NPIPB8: variants seen among roughly 807,000 people sequenced by gnomAD.
NPIPB8 encodes nuclear pore complex interacting protein family member B8.
A neutral mutation model predicts 5.3 loss-of-function variants in NPIPB8; 3 were observed. The ratio of observed to expected loss-of-function variants is 0.57; its 90% confidence interval spans 0.26 to 1.47. The LOEUF is 1.47. Ranked by LOEUF, NPIPB8 falls within the 40% of genes most tolerant of loss-of-function variation. The pLI is 0.13. For missense variants in NPIPB8, 50 were observed against 50.2 expected (o/e 1.00, Z 0.01); for synonymous variants, 18 against 23.0 (o/e 0.78, Z 0.62).
chr16:28,638,295 CA>C (rs1286437934), intron 1 of NPIPB8, 27 bp from the exon 2 acceptor site: 1 of 1,544,048 alleles, frequency 6.5e-7, no homozygotes, highest in African/African-American at 1.4e-5. Context: ...ACTCATTCAA[CA>C]AACTTTTTTT....
chr16:28,638,274 C>A, intron 1 of NPIPB8, 49 bp from the exon 2 acceptor site: 1 of 1,535,140 alleles, frequency 6.5e-7, no homozygotes, highest in Non-Finnish European at 8.7e-7. Context: ...CAAACATCAC[C>A]TTGTTTTTCC....
chr16:28,642,625 C>G (rs1279338654), intron 2 of NPIPB8, among the ~76,000 whole-genome samples: 2 of 150,576 alleles, frequency 1.3e-5, no homozygotes, highest in African/African-American at 4.9e-5. Context: ...GGTGGGACTA[C>G]AGGTGCCCAC....
chr16:28,638,243 T>G, intron 1 of NPIPB8, 80 bp from the exon 2 acceptor site: 5 of 1,503,080 alleles, frequency 3.3e-6, no homozygotes, highest in Non-Finnish European at 4.4e-6. Context: ...GAAGCCCCTA[T>G]GCTCTTGACC....
At chr16:28,649,248 ATT>A (rs2048016945) in intron 3 of NPIPB8, among the ~76,000 whole-genome samples, 1 of 21,736 alleles carries the variant, frequency 4.6e-5, no homozygotes, top group African/African-American at 3.8e-4. Context: ...TTGTCTTGCC[ATT>A]CATGACAGTA....
intron 2 of NPIPB8, chr16:28,644,470 C>A (rs2047961401): frequency 1.0e-4 from 3 of 29,054 alleles, no homozygotes; most frequent in East Asian, 2.6e-3. Flanking sequence ...TCCCCCTCCC[C>A]CTCCCCTCCC....
At chr16:28,640,093 G>A (rs1428718260) in intron 2 of NPIPB8, among the ~76,000 whole-genome samples, 1 of 151,716 alleles carries the variant, frequency 6.6e-6, no homozygotes, top group Non-Finnish European at 1.5e-5. Context: ...TGAAAGTTAA[G>A]CCTGAGGTTA....
At chr16:28,642,035 C>T (rs1064929) in intron 2 of NPIPB8, among the ~76,000 whole-genome samples, 2 of 151,466 alleles carry the variant, frequency 1.3e-5, no homozygotes, top group African/African-American at 4.9e-5. Flanking sequence ...TTCACTTTTG[C>T]TCTAATCTGA....
intron 3 of NPIPB8, among the ~76,000 whole-genome samples, chr16:28,651,383 C>T (rs1331194800): frequency 1.9e-4 from 5 of 26,016 alleles, no homozygotes; most frequent in South Asian, 1.4e-3. Context: ...CAACCTTTTC[C>T]TGCTGGGTTC....
At chr16:28,638,206 A>G in intron 1 of NPIPB8, 56 bp downstream of exon 1, 1 of 1,308,980 alleles carries the variant, frequency 7.6e-7, no homozygotes, top group Non-Finnish European at 1.0e-6. Context: ...AAAGTACAGG[A>G]ATTTGAACTT....
At chr16:28,642,111 T>TC (rs1441055886) in intron 2 of NPIPB8, among the ~76,000 whole-genome samples, 1 of 151,464 alleles carries the variant, frequency 6.6e-6, no homozygotes, top group Non-Finnish European at 1.5e-5. Flanking sequence ...GGGCTTCTTT[T>TC]TTTTTTTGAG....
In NPIPB8 at chr16:28,638,381, C is replaced by T; in HGVS notation, c.21C>T (p.Val7=). The T allele has an allele frequency of 7.0e-6, 11 of 1,568,028 alleles. No individual in the cohort carries two copies. The highest frequency in any genetic ancestry group is 1.8e-5 in the Admixed American group (1 of 54,874). MVKLSI[V]LTPQFLSHDQ... Reference sequence around the variant, plus strand: ...TGCAAATGGTGAAGCTCTCTATTGTCCTGACCCCACAGTTCCTGTCCCATG... The same window carrying T: ...TGCAAATGGTGAAGCTCTCTATTGTTCTGACCCCACAGTTCCTGTCCCATG... Residue 7 remains valine, a synonymous_variant, in exon 2 of 8, where the codon GTC becomes GTT. Coordinates refer to ENST00000683297, the MANE Select transcript of NPIPB8 (RefSeq NM_001310136.2).
At chr16:28,641,358 C>A (rs540124546) in intron 2 of NPIPB8, among the ~76,000 whole-genome samples, 2 of 149,524 alleles carry the variant, frequency 1.3e-5, no homozygotes, top group Admixed American at 1.3e-4. Flanking sequence ...ACACCTGCCA[C>A]CTCCGATGGA....
chr16:28,638,039 A>T (rs2047823822), upstream of NPIPB8: 1 of 698,190 alleles, frequency 1.4e-6, no homozygotes, highest in Non-Finnish European at 2.1e-6. Context: ...GACAGAAATG[A>T]TGATACATTT....
At chr16:28,651,603 C>CT (rs1406340985) in intron 3 of NPIPB8, among the ~76,000 whole-genome samples, 1 of 23,020 alleles carries the variant, frequency 4.3e-5, no homozygotes, top group African/African-American at 2.0e-4. Flanking sequence ...TCATGTCATT[C>CT]TTGTGTGTGT....
chr16:28,643,774 CTGA>C (rs1267333210), intron 2 of NPIPB8, among the ~76,000 whole-genome samples: 23 of 107,836 alleles, frequency 2.1e-4, no homozygotes, highest in Non-Finnish European at 4.2e-4. Flanking sequence ...CCGCATCCTG[CTGA>C]TGTTTTGTTG....
chr16:28,645,277 C>T (rs1166586320), intron 2 of NPIPB8, among the ~76,000 whole-genome samples: 1 of 100,878 alleles, frequency 9.9e-6, no homozygotes, highest in Non-Finnish European at 2.2e-5. Context: ...GATCCGCCTG[C>T]CTCGGCCTCC....
At chr16:28,643,016 G>A (rs1722040576) in intron 2 of NPIPB8, among the ~76,000 whole-genome samples, 1 of 152,152 alleles carries the variant, frequency 6.6e-6, no homozygotes, top group Admixed American at 6.6e-5. Context: ...CTGAGGACAG[G>A]GCCAGGAAAG....
At chr16:28,645,188 G>A (rs1374897592) in intron 2 of NPIPB8, among the ~76,000 whole-genome samples, 4 of 132,342 alleles carry the variant, frequency 3.0e-5, no homozygotes, top group African/African-American at 5.5e-5. Flanking sequence ...AGATTACAAC[G>A]CCTGGCTAAT....
intron 3 of NPIPB8, among the ~76,000 whole-genome samples, chr16:28,651,486 G>A (rs1400781135): frequency 9.5e-5 from 2 of 21,130 alleles, no homozygotes; most frequent in East Asian, 2.0e-3. Flanking sequence ...CAGAGACAGC[G>A]TTTCTCCATG....
Sources: allele counts gnomAD v4.1 joint callset (sites outside exome capture counted in the v4.1 genomes callset), GRCh38; gene constraint gnomAD v4.1.1; transcripts MANE v1.5; gene names NCBI Gene and HGNC (gene_info 2026-07-23, HGNC 2026-07-21).